The following STK32C variants were observed in gnomAD, a reference collection of about 807,000 sequenced individuals.
STK32C encodes serine/threonine-protein kinase 32C.
STK32C carries 31 observed loss-of-function variants against 56.5 expected under a neutral mutation model. The ratio of observed to expected loss-of-function variants is 0.55; its 90% confidence interval spans 0.41 to 0.74. The LOEUF (loss-of-function observed/expected upper bound fraction) is 0.74, where lower values mean the gene tolerates loss of function less well. Among genes scored for constraint, STK32C ranks in the 30% least tolerant of loss-of-function variants. The pLI is 0.00. For synonymous variants in STK32C, 309 were observed against 289.4 expected (o/e 1.07, Z -0.69); for missense variants, 544 against 676.9 (o/e 0.80, Z 2.18).
chr10:132,211,326 G>C lies in STK32C; in HGVS notation c.1252-2225C>G, dbSNP rs570095680. Among the ~76,000 whole-genome samples the C allele has an allele frequency of 2.0e-3, 310 of 152,342 alleles. 1 individual carries two copies. Among genetic ancestry groups the C allele is most frequent in the African/African-American group, 7.2e-3 (301 of 41,584 alleles). ...CGATTCACAGCGACACAAGGTGGGA[G>C]GGGCTGGGGTGGGCGCCAGTGATGC... On this transcript the variant is annotated intron_variant, in intron 10 of 11. Coordinates refer to ENST00000298630, the MANE Select transcript of STK32C (RefSeq NM_173575.4).
At chr10:132,266,899 C>A (rs2064554126) in intron 1 of STK32C, among the ~76,000 whole-genome samples, 1 of 151,988 alleles carries the variant, frequency 6.6e-6, no homozygotes, top group South Asian at 2.1e-4. Context: ...AGCCTTGAGG[C>A]ATGGAGTGAC....
chr10:132,291,299 C>A (rs1430038942), intron 1 of STK32C, among the ~76,000 whole-genome samples: 1 of 152,188 alleles, frequency 6.6e-6, no homozygotes, highest in African/African-American at 2.4e-5. Flanking sequence ...CCACACAGGT[C>A]CACAGGAAGG....
intron 1 of STK32C, among the ~76,000 whole-genome samples, chr10:132,267,655 ATG>A (rs1305606968): frequency 4.2e-5 from 3 of 71,856 alleles, no homozygotes; most frequent in South Asian, 4.9e-4. Context: ...GTCCCACATC[ATG>A]TGTGTGTGTG....
At chr10:132,324,866 C>T (rs1182515923) in intron 1 of STK32C, among the ~76,000 whole-genome samples, 1 of 152,138 alleles carries the variant, frequency 6.6e-6, no homozygotes, top group African/African-American at 2.4e-5. Context: ...GGAAGGACAA[C>T]TGAAAGTGGG....
chr10:132,267,991 G>T lies in STK32C; in HGVS notation c.263-22036C>A, dbSNP rs1389353537. On this transcript the variant is annotated intron_variant, in intron 1 of 11. Transcript: ENST00000298630. ...CATGCATGTCCCACATCGTGTGTGT[G>T]TGTGTGTGTCGGTGTGTGTGCATGC... Among the ~76,000 whole-genome samples, 2 of 150,472 alleles carry T rather than the reference G, an allele frequency of 1.3e-5. 1 individual carries two copies. Among genetic ancestry groups the T allele is most frequent in the African/African-American group, 4.9e-5 (2 of 40,668 alleles).
chr10:132,317,535 G>A (rs953901248), intron 1 of STK32C, among the ~76,000 whole-genome samples: 2 of 152,174 alleles, frequency 1.3e-5, no homozygotes, highest in African/African-American at 2.4e-5. Flanking sequence ...GAACTCAAGC[G>A]TTCAAGACCA....
chr10:132,300,426 A>T (rs942525465), intron 1 of STK32C, among the ~76,000 whole-genome samples: 7 of 152,242 alleles, frequency 4.6e-5, no homozygotes, highest in African/African-American at 1.7e-4. Context: ...GCTGGATGGA[A>T]TCTGGGGGGG....
chr10:132,302,060 A>C (rs2065925827), intron 1 of STK32C, among the ~76,000 whole-genome samples: 1 of 152,164 alleles, frequency 6.6e-6, no homozygotes, highest in African/African-American at 2.4e-5. Context: ...CATTTTCACA[A>C]GTCCTGGGTG....
Position 132,230,669 on chromosome 10 carries a change from G to T in STK32C, c.319-2541C>A, listed in dbSNP as rs533457954. Among the ~76,000 whole-genome samples, 515 of 133,344 alleles carry T rather than the reference G, an allele frequency of 3.9e-3. 17 individuals carry two copies. Among genetic ancestry groups the T allele is most frequent in the Admixed American group, 0.034 (458 of 13,500 alleles). The allele number at this position is 133,344 out of a possible 152,430, so 87.5% of individuals were successfully genotyped here. A position where few individuals can be genotyped will look rare whatever the true frequency, so the allele number is the denominator to read the frequency against. On this transcript the variant is annotated intron_variant, in intron 2 of 11. Transcript: ENST00000298630. ...GGGGCCAGGGCTCTTGCTGCTGGGG[G>T]GGAAGCTGGCGGGGGGGGGGGGGCT...
intron 8 of STK32C, 100 bp downstream of exon 8, chr10:132,224,307 G>A (rs944692419): frequency 4.5e-5 from 38 of 836,794 alleles, no homozygotes; most frequent in South Asian, 1.7e-4. Flanking sequence ...GCCAGGAAGC[G>A]GCACTAACTG....
intron 1 of STK32C, among the ~76,000 whole-genome samples, chr10:132,288,621 ACTT>A (rs1453375883): frequency 6.6e-6 from 1 of 152,218 alleles, no homozygotes; most frequent in Non-Finnish European, 1.5e-5. Flanking sequence ...TGTAAATTAG[ACTT>A]CAATAAAACT....
intron 4 of STK32C, 42 bp downstream of exon 4, chr10:132,226,753 G>A (rs529372692): frequency 3.4e-5 from 54 of 1,595,774 alleles, no homozygotes; most frequent in South Asian, 3.1e-4. Context: ...CTTCAGCCCC[G>A]CCCACCTCAG....
In STK32C at chr10:132,222,938, G is replaced by T; in HGVS notation, c.1042C>A (p.Gln348Lys). Reference protein sequence around the residue: ...EHRLSSLQDVQAAPALAGVLW... With the variant: ...EHRLSSLQDVKAAPALAGVLW... ...ACGCCGGCCAGCGCCGGGGCTGCCT[G>T]CACGTCCTGGAGGCTGGAGAGCCGG... The change falls in exon 9 of 12, where the codon CAG becomes AAG. Residue 348 changes from glutamine (Q) to lysine (K), a missense_variant. This residue lies in a region of STK32C where 277 missense variants were observed against 309.3 expected (regional missense o/e 0.90). Transcript: ENST00000298630. 1 of 1,555,510 alleles carries T rather than the reference G, an allele frequency of 6.4e-7. No individual in the cohort carries two copies.
intron 1 of STK32C, among the ~76,000 whole-genome samples, chr10:132,247,285 T>C (rs4880358): frequency 0.48 from 73,208 of 152,114 alleles, 18,161 homozygotes; most frequent in East Asian, 0.74. Context: ...AAGGTTTCTT[T>C]GCATTTTCCT....
At chr10:132,212,446 A>G (rs1352437597) in intron 10 of STK32C, among the ~76,000 whole-genome samples, 1 of 152,222 alleles carries the variant, frequency 6.6e-6, no homozygotes, top group Non-Finnish European at 1.5e-5. Flanking sequence ...AGCTAAACGC[A>G]AGAGCTGAAA....
chr10:132,304,249 G>A (rs950996413), intron 1 of STK32C, among the ~76,000 whole-genome samples: 1 of 152,112 alleles, frequency 6.6e-6, no homozygotes, highest in Non-Finnish European at 1.5e-5. Flanking sequence ...CTGCAGAGTC[G>A]GGAATCTCAG....
At chr10:132,216,501 C>A (rs990659063) in intron 10 of STK32C, among the ~76,000 whole-genome samples, 1 of 151,332 alleles carries the variant, frequency 6.6e-6, no homozygotes, top group African/African-American at 2.4e-5. Context: ...AAAAAGAAAA[C>A]CCCATTTTCT....
chr10:132,314,564 G>A (rs181698573), intron 1 of STK32C, among the ~76,000 whole-genome samples: 2 of 152,182 alleles, frequency 1.3e-5, no homozygotes, highest in African/African-American at 4.8e-5. Flanking sequence ...CCATCAGACT[G>A]GATACAAATG....
At chr10:132,222,147 G>A (rs1441964530) in intron 10 of STK32C, among the ~76,000 whole-genome samples, 3 of 144,704 alleles carry the variant, frequency 2.1e-5, no homozygotes, top group Non-Finnish European at 4.5e-5. Context: ...GCGAGTGTGA[G>A]GGCTTCATGT....
Sources: allele counts gnomAD v4.1 joint callset (sites outside exome capture counted in the v4.1 genomes callset), GRCh38; gene constraint gnomAD v4.1.1; regional missense constraint gnomAD v4.1.1; transcripts MANE v1.5; gene names NCBI Gene and HGNC (gene_info 2026-07-23, HGNC 2026-07-21).